The following RALGAPA1 variants were observed in gnomAD, a reference collection of about 807,000 sequenced individuals.
The protein encoded by RALGAPA1 is Ral GTPase activating protein catalytic subunit alpha 1, also known as ral GTPase-activating protein subunit alpha-1.
RALGAPA1 carries 52 observed loss-of-function variants against 269.6 expected under a neutral mutation model. The ratio of observed to expected loss-of-function variants is 0.19; its 90% CI spans 0.15 to 0.24. The LOEUF is 0.24. RALGAPA1 is among the 10% of genes least tolerant of loss of function. The probability of loss-of-function intolerance (pLI) is 1.00; values close to 1 mark genes in which losing one functional copy is unlikely to be tolerated. For missense variants in RALGAPA1, 1,917 were observed against 3,013.9 expected, an observed-to-expected ratio of 0.64 and a Z score of 8.52; for synonymous variants, 817 against 1,008.3, an observed-to-expected ratio of 0.81 and a Z score of 3.60.
chr14:35,633,789 T>A, intron 33 of RALGAPA1, among the ~76,000 whole-genome samples: 1 of 152,172 alleles, frequency 6.6e-6, no homozygotes, highest in East Asian at 1.9e-4. Flanking sequence ...CCTCTATATC[T>A]TATATATACT....
chr14:35,728,530 T>C lies in RALGAPA1; in HGVS notation c.1588-20A>G. 1.3e-6 allele frequency: 2 copies of C among 1,572,530 alleles called. No individual in the cohort carries two copies. The highest frequency in any genetic ancestry group is 1.2e-5 in the South Asian group (1 of 83,012). Reference sequence around the variant, plus strand: ...AAACACCTAAGACAAAAGAAATCATTAGCTATTCACAAAGGAATTTCAATG... The same window carrying C: ...AAACACCTAAGACAAAAGAAATCATCAGCTATTCACAAAGGAATTTCAATG... On this transcript the variant is annotated intron_variant, in intron 12 of 41. Coordinates refer to ENST00000680220, the MANE Select transcript of RALGAPA1 (RefSeq NM_001346249.2).
At chr14:35,555,930 G>C (rs2139206958) in intron 39 of RALGAPA1, among the ~76,000 whole-genome samples, 1 of 152,286 alleles carries the variant, frequency 6.6e-6, no homozygotes, top group South Asian at 2.1e-4. Flanking sequence ...TAAATTCTAA[G>C]ACTGGCAATT....
intron 16 of RALGAPA1, among the ~76,000 whole-genome samples, chr14:35,706,289 T>C (rs1056536620): frequency 6.6e-6 from 1 of 152,204 alleles, no homozygotes; most frequent in Admixed American, 6.5e-5. Flanking sequence ...TTTAGGTCTA[T>C]GATCTGAGTT....
At chr14:35,785,917 C>G (rs1016791986) in intron 1 of RALGAPA1, among the ~76,000 whole-genome samples, 7 of 152,100 alleles carry the variant, frequency 4.6e-5, no homozygotes, top group Non-Finnish European at 8.8e-5. Flanking sequence ...GTGGCTTATG[C>G]CTGATACCAG....
At chr14:35,711,956 A>T (rs2068384285) in intron 16 of RALGAPA1, among the ~76,000 whole-genome samples, 1 of 152,178 alleles carries the variant, frequency 6.6e-6, no homozygotes, top group Admixed American at 6.5e-5. Flanking sequence ...ATTAATTAAG[A>T]ATAAAAAAGG....
intron 13 of RALGAPA1, among the ~76,000 whole-genome samples, chr14:35,727,310 CATATA>C (rs1368948079): frequency 1.6e-4 from 17 of 104,476 alleles, no homozygotes; most frequent in African/African-American, 6.7e-4. Context: ...AAAATTATGG[CATATA>C]TATATATATA....
At chr14:35,710,517 C>T (rs1268382302) in intron 16 of RALGAPA1, among the ~76,000 whole-genome samples, 1 of 152,174 alleles carries the variant, frequency 6.6e-6, no homozygotes, top group Non-Finnish European at 1.5e-5. Context: ...CTTGGCCTCC[C>T]AAAGTACTGG....
chr14:35,569,122 C>A (rs942745572), intron 39 of RALGAPA1, among the ~76,000 whole-genome samples: 2 of 152,100 alleles, frequency 1.3e-5, no homozygotes, highest in African/African-American at 4.8e-5. Flanking sequence ...TGTCAGAATA[C>A]ATGAGAAATT....
At chr14:35,783,691 C>G (rs2075607534) in intron 1 of RALGAPA1, among the ~76,000 whole-genome samples, 1 of 152,034 alleles carries the variant, frequency 6.6e-6, no homozygotes, top group South Asian at 2.1e-4. Context: ...ACATTAGTCT[C>G]CAGAATATAG....
At chr14:35,802,314 A>C (rs541474918) in intron 1 of RALGAPA1, among the ~76,000 whole-genome samples, 77 of 152,310 alleles carry the variant, frequency 5.1e-4, no homozygotes, top group African/African-American at 1.8e-3. Flanking sequence ...TCTCAAAAAA[A>C]TAAATAAATA....
chr14:35,799,148 A>C (rs1200306750), intron 1 of RALGAPA1, among the ~76,000 whole-genome samples: 1 of 152,256 alleles, frequency 6.6e-6, no homozygotes, highest in Admixed American at 6.5e-5. Context: ...TAAGTAAAAT[A>C]TATGACAACA....
intron 37 of RALGAPA1, among the ~76,000 whole-genome samples, chr14:35,580,069 A>C (rs1231330356): frequency 6.6e-6 from 1 of 152,252 alleles, no homozygotes; most frequent in African/African-American, 2.4e-5. Context: ...TATTGTGAGT[A>C]AATTTCAAGA....
intron 31 of RALGAPA1, among the ~76,000 whole-genome samples, chr14:35,637,273 G>A (rs2061722847): frequency 6.6e-6 from 1 of 152,148 alleles, no homozygotes; most frequent in African/African-American, 2.4e-5. Context: ...TCACCTGACA[G>A]AGAATTCAAA....
chr14:35,651,220 A>G (rs2140002066), intron 31 of RALGAPA1, among the ~76,000 whole-genome samples: 1 of 152,284 alleles, frequency 6.6e-6, no homozygotes, highest in Admixed American at 6.5e-5. Flanking sequence ...TAAAGTATCT[A>G]TAAGAGAAGA....
intron 4 of RALGAPA1, chr14:35,766,278 G>A (rs1183850545): frequency 7.1e-6 from 6 of 847,156 alleles, no homozygotes. Context: ...GGGTGTACTG[G>A]CTGAACATGA....
At chr14:35,634,085 CTATATAAATTCCATTA>C (rs1222131979) in intron 33 of RALGAPA1, among the ~76,000 whole-genome samples, 9 of 152,002 alleles carry the variant, frequency 5.9e-5, no homozygotes, top group Admixed American at 6.5e-5. Context: ...ATTTTTTATT[CTATATAAATTCCATTA>C]TATATAAAAT....
intron 30 of RALGAPA1, among the ~76,000 whole-genome samples, chr14:35,654,075 C>T (rs1158555859): frequency 6.6e-6 from 1 of 152,158 alleles, no homozygotes; most frequent in Non-Finnish European, 1.5e-5. Context: ...TGGCCTCAAT[C>T]GATCCTTTCA....
intron 33 of RALGAPA1, 74 bp downstream of exon 33, chr14:35,634,500 T>C: frequency 8.1e-7 from 1 of 1,227,676 alleles, no homozygotes; most frequent in Middle Eastern, 3.0e-4. Flanking sequence ...TCTCCAATAT[T>C]TCCACCCATG....
At chr14:35,679,198 A>G (rs2065206084) in intron 21 of RALGAPA1, among the ~76,000 whole-genome samples, 1 of 152,248 alleles carries the variant, frequency 6.6e-6, no homozygotes, top group African/African-American at 2.4e-5. Context: ...AAGTTGTTAA[A>G]ACAGTAGGTC....
Sources: gnomAD v4.1 joint callset for allele counts (sites outside exome capture counted in the v4.1 genomes callset) on GRCh38, gnomAD v4.1.1 for gene constraint, MANE v1.5 for transcripts, NCBI Gene and HGNC (gene_info 2026-07-23, HGNC 2026-07-21) for gene names.